Variants in ZNF492 observed in about 807,000 individuals in gnomAD.
ZNF492 encodes the protein zinc finger protein 115 (Y20).
ZNF492 carries 3 observed loss-of-function variants against 6.4 expected under a neutral mutation model. The observed-to-expected ratio is 0.47, with a 90% confidence interval of 0.21 to 1.22. The LOEUF (loss-of-function observed/expected upper bound fraction) is 1.22. Ranked by LOEUF, ZNF492 falls within the 50% of genes most tolerant of loss-of-function variation. The pLI is 0.22. For synonymous variants in ZNF492, 112 were observed against 205.3 expected, an observed-to-expected ratio of 0.55 and a Z score of 3.89; for missense variants, 356 against 612.5, an observed-to-expected ratio of 0.58 and a Z score of 4.42.
chr19:22,663,660 T>G, intron 3 of ZNF492, 140 bp from the exon 4 acceptor site: 1 of 791,486 alleles, frequency 1.3e-6, no homozygotes, highest in Non-Finnish European at 1.8e-6. Flanking sequence ...TGCTTTTATA[T>G]GTCTGTGAAA....
chr19:22,662,682 C>T lies in ZNF492; in HGVS notation c.131-1118C>T, dbSNP rs867169385. Among the ~76,000 whole-genome samples the T allele has an allele frequency of 2.6e-5, 4 of 151,572 alleles. No homozygotes were observed. In the Middle Eastern group the frequency reaches 0.01, roughly 387 times the overall value. On this transcript the variant is annotated intron_variant, in intron 3 of 3. Coordinates refer to ENST00000456783, the MANE Select transcript of ZNF492 (RefSeq NM_020855.3). ...TTTTGATTTGCATTTCTCGGATGGCCAGTGATGATGAGCATTTTTCCATGT... is the reference window on the plus strand; with the variant it reads ...TTTTGATTTGCATTTCTCGGATGGCTAGTGATGATGAGCATTTTTCCATGT...
chr19:22,651,131 C>T (rs1971935905), intron 1 of ZNF492, among the ~76,000 whole-genome samples: 1 of 152,020 alleles, frequency 6.6e-6, no homozygotes, highest in Admixed American at 6.5e-5. Flanking sequence ...TCATTCACCG[C>T]CTCCCTTGGC....
chr19:22,636,728 G>A (rs1304570350), intron 1 of ZNF492, among the ~76,000 whole-genome samples: 6 of 150,448 alleles, frequency 4.0e-5, no homozygotes, highest in Non-Finnish European at 8.9e-5. Context: ...TCTGCCTCCC[G>A]GTTCAAGCAA....
At chr19:22,655,474 CTT>C (rs1170201210) in intron 3 of ZNF492, among the ~76,000 whole-genome samples, 6 of 151,752 alleles carry the variant, frequency 4.0e-5, no homozygotes, top group Non-Finnish European at 7.4e-5. Flanking sequence ...CTTTCTGTCT[CTT>C]TTTTGTCAGA....
At chr19:22,636,957 C>CT (rs35144612) in intron 1 of ZNF492, among the ~76,000 whole-genome samples, 3,989 of 104,862 alleles carry the variant, frequency 0.038, 249 homozygotes, top group African/African-American at 0.16. Flanking sequence ...TTTAGTAAAC[C>CT]TTTTTTTTTT....
chr19:22,654,296 G>T (rs1435282244), intron 3 of ZNF492, among the ~76,000 whole-genome samples: 1 of 152,076 alleles, frequency 6.6e-6, no homozygotes. Context: ...TGTGAAATCT[G>T]ACTTTTTCAC....
At chr19:22,651,965 AGT>A (rs1192151408) in intron 1 of ZNF492, among the ~76,000 whole-genome samples, 2 of 152,066 alleles carry the variant, frequency 1.3e-5, no homozygotes, top group Non-Finnish European at 2.9e-5. Context: ...ACATAAAACC[AGT>A]GTTTCTTTAT....
chr19:22,655,810 C>CTTTTTTT (rs1568355644), intron 3 of ZNF492, among the ~76,000 whole-genome samples: 4 of 59,354 alleles, frequency 6.7e-5, no homozygotes, highest in African/African-American at 3.0e-4. Flanking sequence ...TCAAGTTTTT[C>CTTTTTTT]TTGTTGTTTT....
At chr19:22,650,056 C>T (rs1971923854) in intron 1 of ZNF492, among the ~76,000 whole-genome samples, 1 of 152,140 alleles carries the variant, frequency 6.6e-6, no homozygotes, top group African/African-American at 2.4e-5. Context: ...GTGTTTTTGT[C>T]ATTGATTCTC....
At chr19:22,644,553 T>TG (rs533651044) in intron 1 of ZNF492, among the ~76,000 whole-genome samples, 401 of 152,330 alleles carry the variant, frequency 2.6e-3, no homozygotes, top group African/African-American at 8.0e-3. Flanking sequence ...ACAAAGGACA[T>TG]GATCTCATTT....
intron 1 of ZNF492, among the ~76,000 whole-genome samples, chr19:22,639,634 C>T (rs1467961835): frequency 6.7e-6 from 1 of 149,016 alleles, no homozygotes; most frequent in African/African-American, 2.5e-5. Context: ...TTGCTTGAAC[C>T]TGGGAGGCAG....
At chr19:22,647,063 G>T (rs1971885005) in intron 1 of ZNF492, among the ~76,000 whole-genome samples, 1 of 149,004 alleles carries the variant, frequency 6.7e-6, no homozygotes, top group Non-Finnish European at 1.5e-5. Context: ...CTAATTTTTT[G>T]TACTTTTAGT....
chr19:22,641,939 G>T (rs537104941), intron 1 of ZNF492, among the ~76,000 whole-genome samples: 1 of 151,962 alleles, frequency 6.6e-6, no homozygotes, highest in African/African-American at 2.4e-5. Flanking sequence ...GACTACAGGC[G>T]CCTGCCACCA....
intron 3 of ZNF492, among the ~76,000 whole-genome samples, chr19:22,662,366 C>T (rs530170760): frequency 1.3e-5 from 2 of 152,338 alleles, no homozygotes; most frequent in South Asian, 4.1e-4. Flanking sequence ...CAAGTCTTTG[C>T]TATTGTGAAT....
intron 3 of ZNF492, among the ~76,000 whole-genome samples, chr19:22,660,074 A>G (rs1011301368): frequency 6.6e-6 from 1 of 152,164 alleles, no homozygotes; most frequent in Non-Finnish European, 1.5e-5. Flanking sequence ...GCATAATACT[A>G]TCTTGATTTC....
chr19:22,647,167 G>A (rs1162057757), intron 1 of ZNF492, among the ~76,000 whole-genome samples: 2 of 151,100 alleles, frequency 1.3e-5, no homozygotes, highest in African/African-American at 4.9e-5. Context: ...GTGGGATTTC[G>A]GGTGTGAGCC....
rs967902372 is a variant in ZNF492 at position 22,667,321 on chromosome 19, G to A, written c.*2056G>A. On this transcript the variant is annotated 3_prime_UTR_variant, in exon 4 of 4. Transcript: ENST00000456783. The stretch of plus-strand genomic sequence containing the variant: ...ATCTGTAGTACTAATCTTTTTTCCA[G>A]TGGCTTTAAACTGCAAATAAGGAAT... 34 of 152,284 alleles carry A rather than the reference G, an allele frequency of 2.2e-4. No homozygotes were observed. The highest frequency in any genetic ancestry group is 7.9e-4 in the African/African-American group (33 of 41,546). The allele number at this position is 152,284 out of a possible 1,614,324, so 9.4% of individuals were successfully genotyped here. A position where few individuals can be genotyped will look rare whatever the true frequency, so the allele number is the denominator to read the frequency against.
At chr19:22,660,946 T>C (rs1295439602) in intron 3 of ZNF492, among the ~76,000 whole-genome samples, 1 of 151,600 alleles carries the variant, frequency 6.6e-6, no homozygotes, top group Non-Finnish European at 1.5e-5. Context: ...GGACTTTGTG[T>C]CACACGGTAT....
rs1972126341 is a variant in ZNF492 at position 22,666,227 on chromosome 19, C to CCG, written c.*963_*964insGC. 2 of 127,014 alleles carry CCG rather than the reference C, an allele frequency of 1.6e-5. No homozygotes were observed. Among genetic ancestry groups the CCG allele is most frequent in the African/African-American group, 9.4e-5 (2 of 21,206 alleles). 7.9% of individuals were successfully genotyped at this position (127,014 alleles called of 1,614,324 possible). A position where few individuals can be genotyped will look rare whatever the true frequency, so the allele number is the denominator to read the frequency against. ...TTTTAGATGGAGTCTTGCTCTATCG[C>CCG]CCCCCCAGGCTGGAGTACAGTGGCA... On this transcript the variant is annotated 3_prime_UTR_variant, in exon 4 of 4. Transcript: ENST00000456783.
Sources: allele counts gnomAD v4.1 joint callset (sites outside exome capture counted in the v4.1 genomes callset), GRCh38; gene constraint gnomAD v4.1.1; transcripts MANE v1.5; gene names NCBI Gene and HGNC (gene_info 2026-07-23, HGNC 2026-07-21).